Variants in GRID2 observed in about 807,000 individuals in gnomAD.
The protein encoded by GRID2 is glutamate receptor ionotropic, delta-2.
In GRID2, 33 loss-of-function variants were observed where a neutral mutation model predicts 114.8. That is an observed-to-expected ratio of 0.29 (90% CI 0.22 to 0.38). The LOEUF (loss-of-function observed/expected upper bound fraction) is 0.38. Ranked by LOEUF, GRID2 falls within the 10% of genes least tolerant of loss-of-function variation. The pLI is 1.00. For synonymous variants in GRID2, 505 were observed against 449.9 expected (o/e 1.12, Z -1.55); for missense variants, 1,184 against 1,257.7 (o/e 0.94, Z 0.89).
At chr4:92,748,510 G>T (rs1160087858) in intron 2 of GRID2, among the ~76,000 whole-genome samples, 1 of 151,916 alleles carries the variant, frequency 6.6e-6, no homozygotes. Flanking sequence ...GAGCATTCTA[G>T]CCCTCATACT....
intron 4 of GRID2, among the ~76,000 whole-genome samples, chr4:93,133,042 T>C (rs1376622069): frequency 1.3e-5 from 2 of 152,194 alleles, no homozygotes; most frequent in Non-Finnish European, 2.9e-5. Context: ...ACCTGGACTT[T>C]CCATGAGACA....
chr4:93,734,893 A>G (rs1041447458), intron 14 of GRID2, among the ~76,000 whole-genome samples: 28 of 152,210 alleles, frequency 1.8e-4, no homozygotes, highest in African/African-American at 6.7e-4. Flanking sequence ...TTTTAATAAA[A>G]TATTTCATGG....
At chr4:92,465,392 C>A (rs1484850049) in intron 1 of GRID2, among the ~76,000 whole-genome samples, 1 of 151,868 alleles carries the variant, frequency 6.6e-6, no homozygotes, top group Non-Finnish European at 1.5e-5. Flanking sequence ...ACATATATGA[C>A]AAAACTGAAA....
chr4:92,505,152 C>G (rs755199384), intron 1 of GRID2, among the ~76,000 whole-genome samples: 2 of 152,024 alleles, frequency 1.3e-5, no homozygotes, highest in Non-Finnish European at 2.9e-5. Flanking sequence ...AACGCAGTGT[C>G]ATTGCCATTC....
chr4:92,426,838 G>A (rs370033064), intron 1 of GRID2, among the ~76,000 whole-genome samples: 1 of 151,822 alleles, frequency 6.6e-6, no homozygotes, highest in African/African-American at 2.4e-5. Flanking sequence ...AAAGCATAAG[G>A]TCACCTCCTA....
At chr4:92,898,636 G>A (rs1747343347) in intron 2 of GRID2, among the ~76,000 whole-genome samples, 1 of 152,108 alleles carries the variant, frequency 6.6e-6, no homozygotes, top group Non-Finnish European at 1.5e-5. Flanking sequence ...GCCTTCAAAA[G>A]TTTGGGTAGT....
intron 6 of GRID2, among the ~76,000 whole-genome samples, chr4:93,223,255 A>T (rs1745103245): frequency 6.6e-6 from 1 of 152,152 alleles, no homozygotes. Context: ...GAAAATAGCC[A>T]GTCCTAATAC....
intron 2 of GRID2, among the ~76,000 whole-genome samples, chr4:92,631,184 A>G (rs924867886): frequency 6.6e-6 from 1 of 152,104 alleles, no homozygotes; most frequent in African/African-American, 2.4e-5. Context: ...AGATAACAAT[A>G]TGTATCTTCC....
intron 8 of GRID2, among the ~76,000 whole-genome samples, chr4:93,285,110 A>G (rs1386401274): frequency 6.6e-6 from 1 of 152,064 alleles, no homozygotes; most frequent in Non-Finnish European, 1.5e-5. Flanking sequence ...ATTAAAAGCA[A>G]CCTATGTTAT....
At chr4:92,483,004 A>G (rs369881936) in intron 1 of GRID2, among the ~76,000 whole-genome samples, 1 of 152,154 alleles carries the variant, frequency 6.6e-6, no homozygotes, top group Non-Finnish European at 1.5e-5. Flanking sequence ...TACACTAGAC[A>G]CATCTAGACA....
chr4:93,685,270 G>T (rs540552897), intron 14 of GRID2, among the ~76,000 whole-genome samples: 2 of 151,964 alleles, frequency 1.3e-5, no homozygotes, highest in Non-Finnish European at 2.9e-5. Flanking sequence ...AAACCTTACC[G>T]ATTTTTACTC....
chr4:93,457,661 A>G (rs765346896), intron 11 of GRID2, among the ~76,000 whole-genome samples: 1 of 152,150 alleles, frequency 6.6e-6, no homozygotes, highest in Non-Finnish European at 1.5e-5. Flanking sequence ...AGTCAAGAGG[A>G]GAGTATTGAT....
chr4:93,054,114 T>A (rs1192955993), intron 2 of GRID2, among the ~76,000 whole-genome samples: 3 of 151,912 alleles, frequency 2.0e-5, no homozygotes, highest in Non-Finnish European at 4.4e-5. Context: ...ATTAATGGCC[T>A]CAAATTGTTA....
At chr4:93,295,783 T>C (rs1754239269) in intron 8 of GRID2, among the ~76,000 whole-genome samples, 1 of 152,340 alleles carries the variant, frequency 6.6e-6, no homozygotes, top group South Asian at 2.1e-4. Flanking sequence ...ACAAAAACAC[T>C]GAGATTGGCA....
chr4:93,230,082 A>G (rs1745941463), intron 7 of GRID2, among the ~76,000 whole-genome samples: 1 of 152,050 alleles, frequency 6.6e-6, no homozygotes, highest in Non-Finnish European at 1.5e-5. Context: ...TTAAAGATTT[A>G]TAGTGTTCTT....
chr4:92,662,902 T>A (rs1021707491), intron 2 of GRID2, among the ~76,000 whole-genome samples: 5 of 151,126 alleles, frequency 3.3e-5, no homozygotes, highest in African/African-American at 1.2e-4. Flanking sequence ...TATATTTAAA[T>A]ACAGAAATTT....
At chr4:92,661,610 T>A (rs1233322603) in intron 2 of GRID2, among the ~76,000 whole-genome samples, 1 of 150,960 alleles carries the variant, frequency 6.6e-6, no homozygotes, top group Non-Finnish European at 1.5e-5. Context: ...ATATATTTGC[T>A]CCTTCAATTT....
chr4:92,722,223 T>C (rs1488565322), intron 2 of GRID2, among the ~76,000 whole-genome samples: 1 of 152,146 alleles, frequency 6.6e-6, no homozygotes, highest in Non-Finnish European at 1.5e-5. Flanking sequence ...AGAATGCCAC[T>C]GAAAGCATGG....
chr4:93,628,442 G>T (rs750923333), intron 14 of GRID2, among the ~76,000 whole-genome samples: 10 of 152,058 alleles, frequency 6.6e-5, no homozygotes, highest in Non-Finnish European at 1.3e-4. Flanking sequence ...TTAAGCAAAG[G>T]AAAATGAGTG....
Sources: allele counts gnomAD v4.1 joint callset (sites outside exome capture counted in the v4.1 genomes callset), GRCh38; gene constraint gnomAD v4.1.1; transcripts MANE v1.5; gene names NCBI Gene and HGNC (gene_info 2026-07-23, HGNC 2026-07-21).